The following POC1A variants were observed in gnomAD, a reference collection of about 807,000 sequenced individuals.
The protein encoded by POC1A is POC1 centriolar protein homolog A.
A neutral mutation model predicts 47.8 loss-of-function variants in POC1A; 34 were observed. That is an observed-to-expected ratio of 0.71 (90% CI 0.54 to 0.95). The LOEUF (loss-of-function observed/expected upper bound fraction) is 0.95. Ranked by LOEUF, POC1A falls within the 40% of genes least tolerant of loss-of-function variation. The pLI, the probability that POC1A is intolerant of heterozygous loss-of-function variation, is 0.00. For synonymous variants in POC1A, 177 were observed against 207.6 expected (o/e 0.85, Z 1.27); for missense variants, 466 against 528.3 (o/e 0.88, Z 1.16).
chr3:52,075,852 C>A lies in POC1A; in HGVS notation c.*35G>T, dbSNP rs978141302. 6.6e-7 allele frequency: 1 copy of A among 1,514,598 alleles called. No individual in the cohort carries two copies. The highest frequency in any genetic ancestry group is 9.2e-7 in the Non-Finnish European group (1 of 1,090,106). The allele number at this position is 1,514,598 out of a possible 1,614,324, so 93.8% of individuals were successfully genotyped here. On this transcript the variant is annotated 3_prime_UTR_variant, in exon 11 of 11. Transcript: ENST00000296484. ...GTACAAATCCCTGGCCTGCCACCTG[C>A]AAATCCACCGAGCTCCTGATTCCTG...
chr3:52,143,132 G>A (rs192431917), intron 6 of POC1A, among the ~76,000 whole-genome samples: 1 of 151,676 alleles, frequency 6.6e-6, no homozygotes, highest in African/African-American at 2.4e-5. Context: ...TACACTAGGG[G>A]TGGCTTAGGG....
intron 6 of POC1A, among the ~76,000 whole-genome samples, chr3:52,143,952 C>T (rs971106904): frequency 2.0e-5 from 3 of 152,212 alleles, no homozygotes; most frequent in Non-Finnish European, 4.4e-5. Context: ...GGCTCCTGAT[C>T]CATCAGAGAT....
In POC1A at chr3:52,079,358, A is replaced by G. The variant is rs768461189; in HGVS notation, c.1126-3373T>C. The stretch of plus-strand genomic sequence containing the variant: ...CGTCCAGCCCGGGAATTATCCTGCT[A>G]CCAGCGCCTGTCCTCACCAGGCTGG... On this transcript the variant is annotated intron_variant, in intron 10 of 10. Transcript: ENST00000296484. The surrounding 1 kb of genome is among the most constrained non-coding windows in gnomAD (Gnocchi z 4.6). 3.3e-5 allele frequency among the ~76,000 whole-genome samples: 5 copies of G among 152,194 alleles called. No individual in the cohort carries two copies. The highest frequency in any genetic ancestry group is 7.2e-5 in the African/African-American group (3 of 41,458).
In POC1A at chr3:52,084,647, C is replaced by T. The variant is rs1215216327; in HGVS notation, c.1126-8662G>A. Among the ~76,000 whole-genome samples, 1 of 152,234 alleles carries T rather than the reference C, an allele frequency of 6.6e-6. No homozygotes were observed. The highest frequency in any genetic ancestry group is 1.5e-5 in the Non-Finnish European group (1 of 68,034). On this transcript the variant is annotated intron_variant, in intron 10 of 10. Transcript: ENST00000296484. The surrounding 1 kb of genome is among the most constrained non-coding windows in gnomAD (Gnocchi z 4.3). Reference sequence around the variant, plus strand: ...CAAGTGCAGGCTTCACTCGAGGCTTCCCCAGTCCATCCCCCTGCCCCCCCA... The same window carrying T: ...CAAGTGCAGGCTTCACTCGAGGCTTTCCCAGTCCATCCCCCTGCCCCCCCA...
At chr3:52,114,267 C>T (rs951162883) in intron 9 of POC1A, among the ~76,000 whole-genome samples, 1 of 152,236 alleles carries the variant, frequency 6.6e-6, no homozygotes, top group Non-Finnish European at 1.5e-5. Context: ...CAGGAAGGTG[C>T]CTAGCCAGAT....
At position 52,090,782 on chromosome 3, in the gene POC1A, C is replaced by A. The variant is rs888108251; in HGVS notation, c.1125+5787G>T. On this transcript the variant is annotated intron_variant, in intron 10 of 10. Transcript: ENST00000296484. The surrounding 1 kb of genome is among the most constrained non-coding windows in gnomAD (Gnocchi z 4.2). ...GCTTGCACACCTACTGAGCGCCCAT[C>A]CCTGGGCAGGCAGGCCTAGCAGCCT... is the stretch of plus-strand genomic sequence containing the variant. 6.6e-6 allele frequency among the ~76,000 whole-genome samples: 1 copy of A among 152,164 alleles called. No homozygotes were observed. The highest frequency in any genetic ancestry group is 1.5e-5 in the Non-Finnish European group (1 of 68,020).
intron 9 of POC1A, among the ~76,000 whole-genome samples, chr3:52,102,931 G>C (rs975295530): frequency 2.0e-5 from 3 of 152,144 alleles, no homozygotes; most frequent in Non-Finnish European, 4.4e-5. Flanking sequence ...GAATAAATTA[G>C]AGGAATCACA....
rs185629774 is a variant in POC1A at position 52,151,932 on chromosome 3, A to G, written c.19-832T>C. Among the ~76,000 whole-genome samples the G allele has an allele frequency of 2.6e-5, 4 of 152,276 alleles. No homozygotes were observed. The East Asian group carries it at 5.8e-4, about 22-fold the overall frequency. On this transcript the variant is annotated intron_variant, in intron 1 of 10. Coordinates refer to ENST00000296484, the MANE Select transcript of POC1A (RefSeq NM_015426.5). The stretch of plus-strand genomic sequence containing the variant: ...TTTAAAAACAAACAAACAAACGAAC[A>G]AACAAAAAACACAGATACTATAGAA...
intron 9 of POC1A, among the ~76,000 whole-genome samples, chr3:52,113,787 C>G (rs1275409238): frequency 1.3e-5 from 2 of 152,182 alleles, no homozygotes; most frequent in African/African-American, 4.8e-5. Flanking sequence ...TTTTTAGTAT[C>G]CACTCTCTTC....
At chr3:52,094,648 C>T (rs1384891601) in intron 10 of POC1A, among the ~76,000 whole-genome samples, 1 of 152,268 alleles carries the variant, frequency 6.6e-6, no homozygotes, top group South Asian at 2.1e-4. Context: ...CTGCAGAACT[C>T]AAGTTTCCTC....
intron 9 of POC1A, among the ~76,000 whole-genome samples, chr3:52,107,203 T>C (rs180757238): frequency 6.3e-4 from 96 of 152,352 alleles, no homozygotes; most frequent in African/African-American, 2.3e-3. Context: ...AACCCCAGCC[T>C]TTAGAAGCTG....
chr3:52,132,430 C>G (rs1291508868), intron 7 of POC1A, among the ~76,000 whole-genome samples: 4 of 152,144 alleles, frequency 2.6e-5, no homozygotes, highest in Admixed American at 2.6e-4. Flanking sequence ...GTGTAACCTC[C>G]CCAGCTGAAC....
intron 9 of POC1A, among the ~76,000 whole-genome samples, chr3:52,099,176 C>G (rs1023851732): frequency 1.3e-5 from 2 of 152,198 alleles, no homozygotes; most frequent in Non-Finnish European, 2.9e-5. Context: ...AGAGCAGGCC[C>G]TCCACAAACA....
At chr3:52,123,293 G>C (rs928429394) in intron 8 of POC1A, among the ~76,000 whole-genome samples, 1 of 152,228 alleles carries the variant, frequency 6.6e-6, no homozygotes, top group African/African-American at 2.4e-5. Flanking sequence ...CACCTGGCTG[G>C]GGAGCAAGAG....
At chr3:52,081,232 C>CT (rs762082224) in intron 10 of POC1A, among the ~76,000 whole-genome samples, 7 of 152,226 alleles carry the variant, frequency 4.6e-5, no homozygotes, top group African/African-American at 7.2e-5. Flanking sequence ...CGCCTGCTGG[C>CT]TTCCGTATGG....
chr3:52,122,243 G>T, intron 9 of POC1A, 136 bp downstream of exon 9: 1 of 598,946 alleles, frequency 1.7e-6, no homozygotes, highest in South Asian at 2.0e-5. Flanking sequence ...TTTGGTAAAT[G>T]AGAAGATCTT....
intron 9 of POC1A, among the ~76,000 whole-genome samples, chr3:52,101,463 A>C (rs1424071658): frequency 6.6e-6 from 1 of 152,226 alleles, no homozygotes; most frequent in Non-Finnish European, 1.5e-5. Flanking sequence ...CTAGATGTTG[A>C]AACTATGAGA....
At chr3:52,152,518 C>T (rs571003218) in intron 1 of POC1A, among the ~76,000 whole-genome samples, 2 of 149,354 alleles carry the variant, frequency 1.3e-5, no homozygotes, top group Admixed American at 1.3e-4. Context: ...TGTAGTGAGC[C>T]GAGATTGCAC....
intron 9 of POC1A, among the ~76,000 whole-genome samples, chr3:52,106,833 C>T (rs555282578): frequency 6.6e-6 from 1 of 152,372 alleles, no homozygotes; most frequent in Admixed American, 6.5e-5. Context: ...GATGGCCACT[C>T]CTGGGCTTGA....
Sources: allele counts gnomAD v4.1 joint callset (sites outside exome capture counted in the v4.1 genomes callset), GRCh38; gene constraint gnomAD v4.1.1; non-coding constraint Gnocchi (gnomAD v3.1); transcripts MANE v1.5; gene names NCBI Gene and HGNC (gene_info 2026-07-23, HGNC 2026-07-21).